LIN28B: variants seen among roughly 807,000 people sequenced by gnomAD.
LIN28B encodes the protein protein lin-28 homolog B.
In LIN28B, 5 loss-of-function variants were observed where a neutral mutation model predicts 21.9. That is an observed-to-expected ratio of 0.23 (90% CI 0.12 to 0.48). The LOEUF is 0.48. Among genes scored for constraint, LIN28B ranks in the 20% least tolerant of loss-of-function variants. LIN28B has a pLI of 0.98. For missense variants in LIN28B, 245 were observed against 310.5 expected, an observed-to-expected ratio of 0.79 and a Z score of 1.58; for synonymous variants, 109 against 111.3, an observed-to-expected ratio of 0.98 and a Z score of 0.13.
intron 3 of LIN28B, 97 bp from the exon 4 acceptor site, chr6:105,078,317 T>A: frequency 1.8e-6 from 2 of 1,100,756 alleles, no homozygotes; most frequent in South Asian, 3.0e-5. Context: ...TAAAATAAGC[T>A]TATCTCATTG....
chr6:105,021,084 C>T (rs1355583632), intron 2 of LIN28B, among the ~76,000 whole-genome samples: 1 of 152,066 alleles, frequency 6.6e-6, no homozygotes, highest in Non-Finnish European at 1.5e-5. Context: ...TCCATGCGTA[C>T]AAATTTTTTA....
At position 105,016,907 on chromosome 6, in the gene LIN28B, A is replaced by C. The variant is rs1771039598; in HGVS notation, c.199-9391A>C. 2.0e-5 allele frequency among the ~76,000 whole-genome samples: 3 copies of C among 151,062 alleles called. No homozygotes were observed. In the South Asian group the frequency reaches 6.3e-4, roughly 32 times the overall value. On this transcript the variant is annotated intron_variant, in intron 2 of 3. Coordinates refer to ENST00000345080, the MANE Select transcript of LIN28B (RefSeq NM_001004317.4). ...CCCCATCTGTAATGAAAATCAAAAC[A>C]AAAAAACAAAAAAAAAACAGCTGGG...
intron 2 of LIN28B, among the ~76,000 whole-genome samples, chr6:105,008,359 G>T (rs186541524): frequency 6.6e-6 from 1 of 152,042 alleles, no homozygotes; most frequent in Non-Finnish European, 1.5e-5. Flanking sequence ...AAAAGAGCAT[G>T]CCAGGCTGGG....
intron 3 of LIN28B, among the ~76,000 whole-genome samples, chr6:105,028,526 A>G (rs1582905264): frequency 6.6e-6 from 1 of 152,308 alleles, no homozygotes; most frequent in Middle Eastern, 3.4e-3. Flanking sequence ...GGAAGAGACC[A>G]TAGAATTTAC....
intron 2 of LIN28B, among the ~76,000 whole-genome samples, chr6:104,979,397 G>A (rs1299168333): frequency 4.0e-5 from 6 of 151,780 alleles, no homozygotes; most frequent in East Asian, 1.9e-4. Flanking sequence ...TAGTAGAGAC[G>A]GGGTTTCACC....
At position 104,962,188 on chromosome 6, in the gene LIN28B, A is replaced by G. The variant is rs975044657; in HGVS notation, c.198+3902A>G. Among the ~76,000 whole-genome samples the G allele has an allele frequency of 2.0e-5, 3 of 152,116 alleles. No individual in the cohort carries two copies. The East Asian group carries it at 5.8e-4, about 29-fold the overall frequency. On this transcript the variant is annotated intron_variant, in intron 2 of 3. Transcript: ENST00000345080. ...ATATACTTGGCATTCCTTGCCATCAAATATGATACAATTGTTTACATAAAT... is the reference window on the plus strand; with the variant it reads ...ATATACTTGGCATTCCTTGCCATCAGATATGATACAATTGTTTACATAAAT...
intron 3 of LIN28B, among the ~76,000 whole-genome samples, chr6:105,051,002 A>C (rs1771890679): frequency 6.6e-6 from 1 of 151,046 alleles, no homozygotes. Context: ...ATCGCTTGAG[A>C]CCAGGAGTTT....
At chr6:104,992,637 C>G (rs1328059961) in intron 2 of LIN28B, among the ~76,000 whole-genome samples, 1 of 151,952 alleles carries the variant, frequency 6.6e-6, no homozygotes, top group African/African-American at 2.4e-5. Flanking sequence ...TGCTGAGTAG[C>G]TGGGATCACG....
At chr6:104,939,390 G>A (rs1487812640) in intron 2 of LIN28B, 2 of 152,202 alleles carry the variant, frequency 1.3e-5, no homozygotes, top group Non-Finnish European at 2.9e-5. Context: ...ATGGAAAGTT[G>A]AGCAGCCATC....
chr6:104,973,280 A>G (rs1221748973), intron 2 of LIN28B, among the ~76,000 whole-genome samples: 1 of 152,192 alleles, frequency 6.6e-6, no homozygotes, highest in Admixed American at 6.5e-5. Flanking sequence ...TGTTGAATAT[A>G]TATTCCAAAA....
chr6:104,971,364 T>G (rs1309804936), intron 2 of LIN28B, among the ~76,000 whole-genome samples: 1 of 152,164 alleles, frequency 6.6e-6, no homozygotes, highest in African/African-American at 2.4e-5. Context: ...TTATAGATCT[T>G]AAAAGACAAT....
At chr6:105,065,139 A>G (rs927084655) in intron 3 of LIN28B, among the ~76,000 whole-genome samples, 1 of 152,160 alleles carries the variant, frequency 6.6e-6, no homozygotes, top group African/African-American at 2.4e-5. Flanking sequence ...GAAATGTTCA[A>G]ATAGGAAGAC....
Position 105,012,581 on chromosome 6 carries a change from T to C in LIN28B, c.199-13717T>C, listed in dbSNP as rs569259185. Among the ~76,000 whole-genome samples the C allele has an allele frequency of 3.9e-5, 6 of 152,338 alleles. No homozygotes were observed. The South Asian group carries it at 1.2e-3, about 32-fold the overall frequency. ...TGAAATTTTGGCAAGCTAATTTATT[T>C]GCTAGCTTGTACTTCAGGTAAAACC... On this transcript the variant is annotated intron_variant, in intron 2 of 3. Coordinates refer to ENST00000345080, the MANE Select transcript of LIN28B (RefSeq NM_001004317.4).
At chr6:104,997,437 G>T (rs1231812084) in intron 2 of LIN28B, among the ~76,000 whole-genome samples, 1 of 151,752 alleles carries the variant, frequency 6.6e-6, no homozygotes, top group East Asian at 1.9e-4. Flanking sequence ...AGGAAGAAAA[G>T]AATAAAAAAT....
intron 1 of LIN28B, among the ~76,000 whole-genome samples, chr6:104,957,543 T>C (rs903239292): frequency 6.6e-6 from 1 of 150,836 alleles, no homozygotes; most frequent in Admixed American, 6.6e-5. Flanking sequence ...CAGTTAGTGA[T>C]TCCAAGAAAA....
At chr6:104,977,627 G>A (rs562032716) in intron 2 of LIN28B, among the ~76,000 whole-genome samples, 70 of 152,170 alleles carry the variant, frequency 4.6e-4, no homozygotes, top group African/African-American at 1.4e-3. Context: ...GAGTGCAATA[G>A]TGTGATCTTG....
intron 2 of LIN28B, among the ~76,000 whole-genome samples, chr6:104,972,480 G>A (rs1011508379): frequency 6.6e-6 from 1 of 152,140 alleles, no homozygotes; most frequent in East Asian, 1.9e-4. Flanking sequence ...TTTAACTTCT[G>A]TGGAGAAAAG....
At chr6:105,023,295 ATATTT>A (rs1771178899) in intron 2 of LIN28B, among the ~76,000 whole-genome samples, 4 of 24,810 alleles carry the variant, frequency 1.6e-4, no homozygotes, top group Admixed American at 2.1e-3. Context: ...AATAATATAT[ATATTT>A]ATATATAATT....
chr6:104,957,956 A>T, intron 1 of LIN28B, 143 bp from the exon 2 acceptor site: 2 of 467,030 alleles, frequency 4.3e-6, no homozygotes, highest in Non-Finnish European at 7.6e-6. Context: ...TTCTGTGGAG[A>T]AAAGAAATCA....
Sources: allele counts gnomAD v4.1 joint callset (sites outside exome capture counted in the v4.1 genomes callset), GRCh38; gene constraint gnomAD v4.1.1; transcripts MANE v1.5; gene names NCBI Gene and HGNC (gene_info 2026-07-23, HGNC 2026-07-21).